Variants in FHIT observed in about 807,000 individuals in gnomAD.
FHIT encodes the protein fragile histidine triad diadenosine triphosphatase.
FHIT carries 19 observed loss-of-function variants against 17.9 expected under a neutral mutation model. The observed-to-expected ratio is 1.06, with a 90% CI of 0.74 to 1.56. The LOEUF (loss-of-function observed/expected upper bound fraction) is 1.56. Ranked by LOEUF, FHIT falls within the 40% of genes most tolerant of loss-of-function variation. The pLI is 0.00. For missense variants in FHIT, 248 were observed against 189.2 expected (o/e 1.31, Z -1.82); for synonymous variants, 81 against 69.7 (o/e 1.16, Z -0.81).
rs544157706 is a variant in FHIT at position 60,262,843 on chromosome 3, C to T, written c.104-248691G>A. 9.8e-4 allele frequency among the ~76,000 whole-genome samples: 135 copies of T among 137,762 alleles called. 1 individual carries two copies. Among genetic ancestry groups the T allele is most frequent in the African/African-American group, 3.2e-3 (118 of 36,976 alleles). The allele number at this position is 137,762 out of a possible 152,430, so 90.4% of individuals were successfully genotyped here. A position where few individuals can be genotyped will look rare whatever the true frequency, so the allele number is the denominator to read the frequency against. ...TATATGACTTAGTACATATAAAGTA[C>T]AAAGAAAAAAAGATAAAAAAAAAAG... is the stretch of plus-strand genomic sequence containing the variant. On this transcript the variant is annotated intron_variant, in intron 5 of 9. Coordinates refer to ENST00000492590, the MANE Select transcript of FHIT (RefSeq NM_002012.4).
At chr3:59,913,242 C>G (rs563303527) in intron 8 of FHIT, among the ~76,000 whole-genome samples, 3 of 151,900 alleles carry the variant, frequency 2.0e-5, no homozygotes, top group African/African-American at 2.4e-5. Flanking sequence ...TAAGGTTGAA[C>G]AGGGATATGA....
chr3:60,442,044 GA>G (rs2030930832), intron 5 of FHIT, among the ~76,000 whole-genome samples: 2 of 150,854 alleles, frequency 1.3e-5, no homozygotes. Flanking sequence ...ACTTATTGTA[GA>G]AATGGGATCT....
chr3:59,805,151 G>C (rs1310182844), intron 8 of FHIT, among the ~76,000 whole-genome samples: 1 of 152,258 alleles, frequency 6.6e-6, no homozygotes, highest in African/African-American at 2.4e-5. Flanking sequence ...CCTTTCCGGC[G>C]TGTCCTGCTC....
intron 4 of FHIT, among the ~76,000 whole-genome samples, chr3:60,601,438 T>A (rs2038443406): frequency 6.6e-6 from 1 of 152,176 alleles, no homozygotes; most frequent in Non-Finnish European, 1.5e-5. Flanking sequence ...AAATCAGTCA[T>A]CTTTAGAAAA....
At chr3:59,866,442 T>C (rs606735) in intron 8 of FHIT, among the ~76,000 whole-genome samples, 83,107 of 151,992 alleles carry the variant, frequency 0.55, 24,104 homozygotes, top group African/African-American at 0.75. Flanking sequence ...TGTCATTGTG[T>C]AGTGGTTGGA....
intron 3 of FHIT, among the ~76,000 whole-genome samples, chr3:60,914,057 C>T (rs1011447192): frequency 6.6e-6 from 1 of 152,194 alleles, no homozygotes; most frequent in African/African-American, 2.4e-5. Flanking sequence ...TCTGCACAGA[C>T]AGTGTGGAAG....
intron 5 of FHIT, among the ~76,000 whole-genome samples, chr3:60,277,074 T>C (rs1707180020): frequency 6.6e-6 from 1 of 152,084 alleles, no homozygotes. Context: ...AAAAAAAATC[T>C]TGCTGACATC....
intron 5 of FHIT, among the ~76,000 whole-genome samples, chr3:60,319,740 A>G (rs1214103024): frequency 5.3e-5 from 8 of 151,936 alleles, no homozygotes; most frequent in Non-Finnish European, 1.5e-5. Context: ...AGAGACACTG[A>G]GGGGGGCTGT....
At chr3:60,202,253 T>C (rs1340596427) in intron 5 of FHIT, among the ~76,000 whole-genome samples, 2 of 152,212 alleles carry the variant, frequency 1.3e-5, no homozygotes, top group Admixed American at 6.5e-5. Context: ...ATGAGGAAGT[T>C]GGACCAATGA....
intron 3 of FHIT, among the ~76,000 whole-genome samples, chr3:61,020,999 T>C (rs1402416268): frequency 6.6e-6 from 1 of 152,144 alleles, no homozygotes; most frequent in Admixed American, 6.5e-5. Flanking sequence ...TAAATATATA[T>C]GCACCCAATA....
chr3:60,469,197 C>G (rs1279554602), intron 5 of FHIT, among the ~76,000 whole-genome samples: 1 of 152,068 alleles, frequency 6.6e-6, no homozygotes, highest in Non-Finnish European at 1.5e-5. Flanking sequence ...ATATTGATAT[C>G]TTTCTCTAGG....
chr3:61,049,505 G>C (rs528342870), intron 2 of FHIT, among the ~76,000 whole-genome samples: 48 of 152,170 alleles, frequency 3.2e-4, no homozygotes, highest in Non-Finnish European at 5.6e-4. Flanking sequence ...AAGCATGATA[G>C]GGAACTTGGT....
chr3:60,210,382 C>A (rs1703392949), intron 5 of FHIT, among the ~76,000 whole-genome samples: 1 of 151,926 alleles, frequency 6.6e-6, no homozygotes. Flanking sequence ...TCTCAATAAC[C>A]TAGGAATGGG....
At position 60,114,487 on chromosome 3, in the gene FHIT, TCC is replaced by T. The variant is rs1491564234; in HGVS notation, c.104-100337_104-100336del. ...TTAAAATAAGGAAGAACAAGAGAAA[TCC>T]TTTTTTTTTTTTTTTTTTTTTTTTG... On this transcript the variant is annotated intron_variant, in intron 5 of 9. Coordinates refer to ENST00000492590, the MANE Select transcript of FHIT (RefSeq NM_002012.4). Among the ~76,000 whole-genome samples, 718 of 80,714 alleles carry T rather than the reference TCC, an allele frequency of 8.9e-3. 2 individuals are homozygous for T. Among genetic ancestry groups the T allele is most frequent in the Middle Eastern group, 0.01 (1 of 96 alleles). 53.0% of individuals were successfully genotyped at this position (80,714 alleles called of 152,430 possible).
chr3:60,047,450 C>A (rs1390254830), intron 5 of FHIT, among the ~76,000 whole-genome samples: 1 of 152,160 alleles, frequency 6.6e-6, no homozygotes, highest in Non-Finnish European at 1.5e-5. Flanking sequence ...AAAAGTCCAG[C>A]AGCTAATTCA....
chr3:61,076,189 G>A (rs547787308), intron 2 of FHIT, among the ~76,000 whole-genome samples: 1 of 152,286 alleles, frequency 6.6e-6, no homozygotes, highest in African/African-American at 2.4e-5. Flanking sequence ...TACCAGCTAC[G>A]ATGGAGGCAT....
intron 3 of FHIT, among the ~76,000 whole-genome samples, chr3:60,899,295 G>C (rs1705983282): frequency 6.6e-6 from 1 of 152,134 alleles, no homozygotes; most frequent in African/African-American, 2.4e-5. Flanking sequence ...GATCACATTT[G>C]CATATCTTTT....
chr3:60,479,595 G>C (rs1220669084), intron 5 of FHIT, among the ~76,000 whole-genome samples: 1 of 152,176 alleles, frequency 6.6e-6, no homozygotes, highest in East Asian at 1.9e-4. Flanking sequence ...GGTACAGCAG[G>C]GGTCCCCAAC....
intron 4 of FHIT, among the ~76,000 whole-genome samples, chr3:60,744,829 T>C (rs782182336): frequency 6.6e-6 from 1 of 152,226 alleles, no homozygotes; most frequent in East Asian, 1.9e-4. Context: ...ATTAAACTTG[T>C]ATTGAATTTA....
Sources: gnomAD v4.1 joint callset for allele counts (sites outside exome capture counted in the v4.1 genomes callset) on GRCh38, gnomAD v4.1.1 for gene constraint, MANE v1.5 for transcripts, NCBI Gene and HGNC (gene_info 2026-07-23, HGNC 2026-07-21) for gene names.